RDH10: variants seen among roughly 807,000 people sequenced by gnomAD.
RDH10 encodes retinol dehydrogenase 10 (all-trans).
RDH10 carries 12 observed loss-of-function variants against 30.2 expected under a neutral mutation model. That is an observed-to-expected ratio of 0.40 (90% confidence interval 0.25 to 0.64). The LOEUF is 0.64. Ranked by LOEUF, RDH10 falls within the 30% of genes least tolerant of loss-of-function variation. The probability of loss-of-function intolerance (pLI) is 0.43; values close to 1 mark genes in which losing one functional copy is unlikely to be tolerated. For missense variants in RDH10, 268 were observed against 445.2 expected, an observed-to-expected ratio of 0.60 and a Z score of 3.58; for synonymous variants, 189 against 172.2, an observed-to-expected ratio of 1.10 and a Z score of -0.76.
chr8:73,305,255 T>G (rs906137665), intron 2 of RDH10, among the ~76,000 whole-genome samples: 19 of 152,368 alleles, frequency 1.2e-4, no homozygotes, highest in African/African-American at 4.3e-4. Flanking sequence ...CTGATCATGC[T>G]TCAGATTTTT....
intron 2 of RDH10, among the ~76,000 whole-genome samples, chr8:73,306,295 C>T (rs1030241275): frequency 1.3e-5 from 2 of 152,326 alleles, no homozygotes; most frequent in African/African-American, 4.8e-5. Context: ...TGCGAGGGGA[C>T]GCAAACCTTT....
At chr8:73,319,831 T>C (rs1814734430) in intron 3 of RDH10, among the ~76,000 whole-genome samples, 1 of 152,192 alleles carries the variant, frequency 6.6e-6, no homozygotes, top group East Asian at 1.9e-4. Flanking sequence ...CATTGTAAGT[T>C]TGTAGAATTG....
chr8:73,316,383 A>G (rs1404126137), intron 2 of RDH10, among the ~76,000 whole-genome samples: 1 of 152,186 alleles, frequency 6.6e-6, no homozygotes, highest in Non-Finnish European at 1.5e-5. Flanking sequence ...CAATTCTGTG[A>G]TATAATACCC....
intron 2 of RDH10, chr8:73,313,182 T>G (rs1344210925): frequency 6.6e-6 from 1 of 152,260 alleles, no homozygotes; most frequent in Non-Finnish European, 1.5e-5. Flanking sequence ...CTGCACAGTC[T>G]GTCATTAAGA....
intron 1 of RDH10, chr8:73,296,004 C>T (rs990104630): frequency 1.5e-5 from 3 of 197,502 alleles, no homozygotes; most frequent in Non-Finnish European, 2.8e-5. Flanking sequence ...GGTCTGAACC[C>T]CTTAGACGAG....
chr8:73,322,110 G>A (rs1814782092), intron 4 of RDH10: 2 of 412,472 alleles, frequency 4.8e-6, no homozygotes, highest in South Asian at 3.5e-5. Context: ...AATGAAGAAT[G>A]AAAGGAATAA....
Position 73,298,819 on chromosome 8 carries a change from GTTTA to G in RDH10, c.525+1398_525+1401del, listed in dbSNP as rs201248384. Among the ~76,000 whole-genome samples, 1,445 of 152,052 alleles carry G rather than the reference GTTTA, an allele frequency of 9.5e-3. 20 individuals are homozygous for G. The highest frequency in any genetic ancestry group is 0.032 in the African/African-American group (1,336 of 41,454). ...TGGCGTGAGCCACCGCACCTGGCCTGTTTATTTATTTTGAGATGGAATTTTGGTC... is the reference window on the plus strand; with the variant it reads ...TGGCGTGAGCCACCGCACCTGGCCTGTTTATTTTGAGATGGAATTTTGGTC... On this transcript the variant is annotated intron_variant, in intron 2 of 5. Coordinates refer to ENST00000240285, the MANE Select transcript of RDH10 (RefSeq NM_172037.5).
chr8:73,302,667 G>A (rs996320522), intron 2 of RDH10, among the ~76,000 whole-genome samples: 16 of 152,126 alleles, frequency 1.1e-4, no homozygotes, highest in Admixed American at 2.0e-4. Flanking sequence ...CTTGGGTGAC[G>A]AGAGCCAGAC....
chr8:73,295,691 A>G (rs1003788080), intron 1 of RDH10, 113 bp downstream of exon 1: 1 of 1,117,166 alleles, frequency 9.0e-7, no homozygotes, highest in Non-Finnish European at 1.2e-6. Context: ...GGAGGAAAGG[A>G]ACACCCCACC....
intron 2 of RDH10, among the ~76,000 whole-genome samples, chr8:73,317,931 CAA>C (rs1291106302): frequency 1.5e-5 from 2 of 135,124 alleles, no homozygotes; most frequent in Admixed American, 7.5e-5. Context: ...CACCCCCGCC[CAA>C]AAAAAAAAAA....
rs138548865 is a variant in RDH10 at position 73,298,516 on chromosome 8, C to CTTTA, written c.525+1111_525+1114dup. Reference sequence around the variant, plus strand: ...TTAATGTTTTATTTTTAAATATGAACTTTATTTATTTATTTATTTATTTAT... The same window carrying CTTTA: ...TTAATGTTTTATTTTTAAATATGAACTTTATTTATTTATTTATTTATTTATTTAT... On this transcript the variant is annotated intron_variant, in intron 2 of 5. Coordinates refer to ENST00000240285, the MANE Select transcript of RDH10 (RefSeq NM_172037.5). Among the ~76,000 whole-genome samples, 68 of 150,962 alleles carry CTTTA rather than the reference C, an allele frequency of 4.5e-4. 1 individual carries two copies. The highest frequency in any genetic ancestry group is 6.6e-4 in the African/African-American group (27 of 41,204).
At chr8:73,302,156 G>C (rs1302284746) in intron 2 of RDH10, among the ~76,000 whole-genome samples, 2 of 152,172 alleles carry the variant, frequency 1.3e-5, no homozygotes, top group Non-Finnish European at 2.9e-5. Context: ...CCAGTCTGCT[G>C]TGACGCTTCA....
At chr8:73,302,235 G>A (rs1443923143) in intron 2 of RDH10, among the ~76,000 whole-genome samples, 2 of 152,206 alleles carry the variant, frequency 1.3e-5, no homozygotes, top group African/African-American at 4.8e-5. Context: ...TCAAGACTTA[G>A]TGATAGATTT....
chr8:73,307,742 C>A lies in RDH10; in HGVS notation c.525+10313C>A, dbSNP rs1814487989. On this transcript the variant is annotated intron_variant, in intron 2 of 5. Transcript: ENST00000240285. The stretch of plus-strand genomic sequence containing the variant: ...GGCTACAAGTTCAAAGCTCCTGGTA[C>A]AGTAGGTAGATTTTCCTATGAGTCA... 3.3e-5 allele frequency among the ~76,000 whole-genome samples: 5 copies of A among 152,330 alleles called. No individual in the cohort carries two copies. In the South Asian group the frequency reaches 1.0e-3, roughly 32 times the overall value.
intron 3 of RDH10, among the ~76,000 whole-genome samples, 193 bp downstream of exon 3, chr8:73,319,387 T>C: frequency 6.6e-6 from 1 of 152,048 alleles, no homozygotes; most frequent in East Asian, 1.9e-4. Flanking sequence ...ATGTCAGGTG[T>C]GGTGGCGCAC....
At chr8:73,304,349 C>G (rs150845190) in intron 2 of RDH10, among the ~76,000 whole-genome samples, 5 of 152,186 alleles carry the variant, frequency 3.3e-5, no homozygotes, top group Admixed American at 2.6e-4. Flanking sequence ...TTTGATTGAT[C>G]GCCCCTTTCC....
intron 2 of RDH10, among the ~76,000 whole-genome samples, chr8:73,303,781 G>C (rs1368417821): frequency 6.6e-6 from 1 of 152,110 alleles, no homozygotes; most frequent in African/African-American, 2.4e-5. Context: ...TTGAGTTTCT[G>C]TATTTGATAC....
chr8:73,308,608 C>G (rs1489632595), intron 2 of RDH10, among the ~76,000 whole-genome samples: 1 of 152,120 alleles, frequency 6.6e-6, no homozygotes, highest in Non-Finnish European at 1.5e-5. Context: ...TTTTAGGTTT[C>G]TTCTTTACAA....
chr8:73,321,007 G>C lies in RDH10; in HGVS notation c.700G>C (p.Asp234His). 6.2e-7 allele frequency: 1 copy of C among 1,614,118 alleles called. No homozygotes were observed. The highest frequency in any genetic ancestry group is 8.5e-7 in the Non-Finnish European group (1 of 1,179,984). ...CCATGAACTAAAGGCTGCTGAAAAGGATGGAATTAAAACAACCTTGGTTTG... is the reference window on the plus strand; with the variant it reads ...CCATGAACTAAAGGCTGCTGAAAAGCATGGAATTAAAACAACCTTGGTTTG... ...LSHELKAAEK[D>H]GIKTTLVCPY... Residue 234 changes from aspartate (D) to histidine (H), a missense_variant, in exon 4 of 6, where the codon GAT becomes CAT. Asp to His is a moderately conservative substitution (Grantham distance 81). Transcript: ENST00000240285.
Sources: allele counts gnomAD v4.1 joint callset (sites outside exome capture counted in the v4.1 genomes callset), GRCh38; gene constraint gnomAD v4.1.1; transcripts MANE v1.5; gene names NCBI Gene and HGNC (gene_info 2026-07-23, HGNC 2026-07-21).